FTCDNL1: variants seen among roughly 807,000 people sequenced by gnomAD.
FTCDNL1 encodes the protein formiminotransferase cyclodeaminase N-terminal like, also known as formiminotransferase N-terminal subdomain-containing protein.
In FTCDNL1, 11 loss-of-function variants were observed where a neutral mutation model predicts 5.9. The ratio of observed to expected loss-of-function variants is 1.87; its 90% CI spans 1.18 to 3.10. The LOEUF (loss-of-function observed/expected upper bound fraction) is 3.10. FTCDNL1 is among the 30% of genes most tolerant of loss of function. FTCDNL1 has a pLI of 0.00. For synonymous variants in FTCDNL1, 58 were observed against 24.8 expected (o/e 2.34, Z -3.99); for missense variants, 115 against 65.5 (o/e 1.76, Z -2.61).
At chr2:199,688,020 G>C in the FTCDNL1 span, among the ~76,000 whole-genome samples, 1 of 151,988 alleles carries the variant, frequency 6.6e-6, no homozygotes, top group Non-Finnish European at 1.5e-5. Flanking sequence ...GCCAAAGTGG[G>C]TGGATCACTT....
the FTCDNL1 span, among the ~76,000 whole-genome samples, chr2:199,669,491 CA>C: frequency 6.6e-6 from 1 of 152,124 alleles, no homozygotes; most frequent in Non-Finnish European, 1.5e-5. Flanking sequence ...TTTTCAGCCT[CA>C]ATAAGTCCTT....
chr2:199,691,503 A>G, the FTCDNL1 span, among the ~76,000 whole-genome samples: 2 of 152,238 alleles, frequency 1.3e-5, no homozygotes, highest in Admixed American at 6.5e-5. Flanking sequence ...TTCTAGGTAA[A>G]TATTTTCCTC....
chr2:199,719,452 G>A, the FTCDNL1 span, among the ~76,000 whole-genome samples: 1 of 152,098 alleles, frequency 6.6e-6, no homozygotes, highest in South Asian at 2.1e-4. Context: ...TTGAAGTCAG[G>A]TAAATGCGAT....
chr2:199,711,582 T>G, the FTCDNL1 span, among the ~76,000 whole-genome samples: 14 of 152,152 alleles, frequency 9.2e-5, no homozygotes, highest in Non-Finnish European at 1.9e-4. Context: ...GGCTATACCA[T>G]TTTGCAACAC....
chr2:199,823,412 A>C (rs1219519553), intron 3 of FTCDNL1, among the ~76,000 whole-genome samples: 3 of 152,170 alleles, frequency 2.0e-5, no homozygotes, highest in African/African-American at 4.8e-5. Flanking sequence ...TACTTTTTCC[A>C]GATCCATCAG....
chr2:199,806,542 G>A (rs1700735427), downstream of FTCDNL1, among the ~76,000 whole-genome samples: 1 of 152,172 alleles, frequency 6.6e-6, no homozygotes, highest in Non-Finnish European at 1.5e-5. Flanking sequence ...ATCTCTCACA[G>A]AGTGGTCCTT....
intron 3 of FTCDNL1, among the ~76,000 whole-genome samples, chr2:199,780,007 G>A (rs911701848): frequency 6.6e-6 from 1 of 152,150 alleles, no homozygotes; most frequent in Non-Finnish European, 1.5e-5. Context: ...CCGACAGCTA[G>A]CCCTGATGAA....
intron 3 of FTCDNL1, among the ~76,000 whole-genome samples, chr2:199,786,251 GTATA>G (rs139819752): frequency 1.4e-5 from 2 of 146,502 alleles, no homozygotes; most frequent in Admixed American, 6.8e-5. Context: ...CTCCAGCCCT[GTATA>G]TATATATATA....
At chr2:199,702,986 C>T in the FTCDNL1 span, among the ~76,000 whole-genome samples, 1 of 151,880 alleles carries the variant, frequency 6.6e-6, no homozygotes, top group Non-Finnish European at 1.5e-5. Flanking sequence ...TTATGTAAGG[C>T]CCTAGAGGCC....
chr2:199,749,853 C>T, the FTCDNL1 span, among the ~76,000 whole-genome samples: 2 of 152,032 alleles, frequency 1.3e-5, no homozygotes, highest in Non-Finnish European at 2.9e-5. Context: ...AGAAACAGCA[C>T]ATGATATTTT....
chr2:199,720,160 C>T, the FTCDNL1 span, among the ~76,000 whole-genome samples: 1 of 152,156 alleles, frequency 6.6e-6, no homozygotes, highest in Admixed American at 6.5e-5. Context: ...ATCATACCAT[C>T]AACAAACAGG....
At chr2:199,740,945 T>C in the FTCDNL1 span, among the ~76,000 whole-genome samples, 2 of 152,322 alleles carry the variant, frequency 1.3e-5, no homozygotes, top group East Asian at 3.9e-4. Flanking sequence ...GTCCACTGTG[T>C]GCCAGCTTCC....
the FTCDNL1 span, among the ~76,000 whole-genome samples, chr2:199,728,366 C>T: frequency 6.6e-6 from 1 of 152,006 alleles, no homozygotes; most frequent in Non-Finnish European, 1.5e-5. Flanking sequence ...CCTGCCTCAG[C>T]CACCTGAGTA....
intron 3 of FTCDNL1, among the ~76,000 whole-genome samples, chr2:199,830,242 A>C (rs1179612863): frequency 6.6e-6 from 1 of 152,186 alleles, no homozygotes; most frequent in Admixed American, 6.6e-5. Flanking sequence ...TAAGACAGAT[A>C]GCCCTAAAAG....
chr2:199,818,123 C>T (rs570268861), intron 4 of FTCDNL1, among the ~76,000 whole-genome samples: 6 of 152,282 alleles, frequency 3.9e-5, no homozygotes, highest in South Asian at 4.1e-4. Context: ...GTCTAATTCC[C>T]GTCCACCTGA....
chr2:199,675,843 T>C, the FTCDNL1 span, among the ~76,000 whole-genome samples: 1 of 152,156 alleles, frequency 6.6e-6, no homozygotes, highest in Non-Finnish European at 1.5e-5. Flanking sequence ...TTCAACTTCC[T>C]GGGCTTGAGG....
the FTCDNL1 span, among the ~76,000 whole-genome samples, chr2:199,685,290 T>C: frequency 6.6e-6 from 1 of 152,126 alleles, no homozygotes; most frequent in Non-Finnish European, 1.5e-5. Context: ...TCTTGTGCCT[T>C]TGGCAAGAAT....
At chr2:199,847,181 G>A (rs1334181440) in intron 2 of FTCDNL1, among the ~76,000 whole-genome samples, 1 of 151,440 alleles carries the variant, frequency 6.6e-6, no homozygotes, top group Non-Finnish European at 1.5e-5. Flanking sequence ...GACCTTTCTA[G>A]GCCATTTAAA....
intron 3 of FTCDNL1, among the ~76,000 whole-genome samples, chr2:199,840,693 T>C (rs537706558): frequency 6.6e-6 from 1 of 152,232 alleles, no homozygotes; most frequent in Admixed American, 6.5e-5. Context: ...AGTGTGTGTA[T>C]GGTAGGAGGT....
Sources: allele counts gnomAD v4.1 joint callset (sites outside exome capture counted in the v4.1 genomes callset), GRCh38; gene constraint gnomAD v4.1.1; transcripts MANE v1.5; gene names NCBI Gene and HGNC (gene_info 2026-07-23, HGNC 2026-07-21).